The following TMEM25 variants were observed in gnomAD, a reference collection of about 807,000 sequenced individuals.
TMEM25 encodes the protein 0610039J01Rik.
TMEM25 carries 36 observed loss-of-function variants against 37.0 expected under a neutral mutation model. The ratio of observed to expected loss-of-function variants is 0.97; its 90% CI spans 0.75 to 1.28. The LOEUF is 1.28. Among genes scored for constraint, TMEM25 ranks in the 50% most tolerant of loss-of-function variants. TMEM25 has a pLI of 0.00. For missense variants in TMEM25, 444 were observed against 477.9 expected (o/e 0.93, Z 0.66); for synonymous variants, 197 against 203.7 (o/e 0.97, Z 0.28).
chr11:118,545,277 A>T (rs959148914), intron 8 of TMEM25: 5 of 784,924 alleles, frequency 6.4e-6, no homozygotes, highest in Middle Eastern at 4.8e-4. Flanking sequence ...TCTCCTAATT[A>T]TGGGAAAGGG....
intron 3 of TMEM25, 162 bp downstream of exon 3, chr11:118,532,623 C>A (rs533432355): frequency 1.1e-6 from 1 of 886,600 alleles, no homozygotes; most frequent in East Asian, 2.7e-5. Flanking sequence ...TTACTATTGT[C>A]GTCACCATTT....
chr11:118,533,358 C>A, intron 4 of TMEM25, 62 bp from the exon 5 acceptor site: 1 of 1,608,030 alleles, frequency 6.2e-7, no homozygotes. Flanking sequence ...AGAGTAGTAC[C>A]TATGGCATGT....
At chr11:118,543,941 G>A (rs1591353481) in intron 8 of TMEM25, among the ~76,000 whole-genome samples, 1 of 151,934 alleles carries the variant, frequency 6.6e-6, no homozygotes, top group Non-Finnish European at 1.5e-5. Flanking sequence ...TGACTAGCTG[G>A]GACTACAGGC....
Position 118,535,546 on chromosome 11 carries a change from C to G in TMEM25, c.*966C>G. 1 of 1,535,824 alleles carries G rather than the reference C, an allele frequency of 6.5e-7. No individual in the cohort carries two copies. The highest frequency in any genetic ancestry group is 8.7e-7 in the Non-Finnish European group (1 of 1,146,724). On this transcript the variant is annotated 3_prime_UTR_variant, in exon 9 of 9. Coordinates refer to ENST00000313236, the MANE Select transcript of TMEM25 (RefSeq NM_032780.4). Reference sequence around the variant, plus strand: ...CCACGGGACCCCAGCCCTGACCAACCCATGGTTGCCTCATCAGCAGGAAGG... The same window carrying G: ...CCACGGGACCCCAGCCCTGACCAACGCATGGTTGCCTCATCAGCAGGAAGG...
intron 3 of TMEM25, chr11:118,532,706 G>C: frequency 1.3e-6 from 1 of 794,796 alleles, no homozygotes; most frequent in Non-Finnish European, 1.9e-6. Context: ...GTAAGAAGCA[G>C]AGCCAGGATT....
Position 118,535,806 on chromosome 11 carries a change from G to A in TMEM25, c.*1226G>A. The A allele has an allele frequency of 8.0e-7, 1 of 1,248,786 alleles. No homozygotes were observed. Among genetic ancestry groups the A allele is most frequent in the African/African-American group, 1.5e-5 (1 of 64,808 alleles). 77.4% of individuals were successfully genotyped at this position (1,248,786 alleles called of 1,614,324 possible). ...TAGGGCGGTGCTGAGCACACAGCAA[G>A]TTTAATAAACTTGACTGAATTCATT... On this transcript the variant is annotated 3_prime_UTR_variant, in exon 9 of 9. Coordinates refer to ENST00000313236, the MANE Select transcript of TMEM25 (RefSeq NM_032780.4).
chr11:118,546,517 T>C (rs1951690835), downstream of TMEM25: 6 of 195,082 alleles, frequency 3.1e-5, no homozygotes, highest in East Asian at 1.3e-4. Context: ...AGGGAGGGAA[T>C]CAACCATGCC....
At position 118,544,971 on chromosome 11, in the gene TMEM25, G is replaced by A. The variant is rs1484802619; in HGVS notation, c.1028-1148G>A. The A allele has an allele frequency of 1.2e-5, 19 of 1,613,688 alleles. No individual in the cohort carries two copies. The East Asian group carries it at 4.2e-4, about 36-fold the overall frequency. On this transcript the variant is annotated intron_variant, in intron 8 of 8. Transcript: ENST00000354284. ...AGCTTGGGAGGTGGAATTGGATGAAGGAGTGAATGCTTTCTTGCCTTCAGC... is the reference window on the plus strand; with the variant it reads ...AGCTTGGGAGGTGGAATTGGATGAAAGAGTGAATGCTTTCTTGCCTTCAGC...
chr11:118,545,107 T>C, intron 8 of TMEM25: 1 of 941,830 alleles, frequency 1.1e-6, no homozygotes, highest in Admixed American at 2.1e-5. Context: ...CCCCCTTTAT[T>C]TCCTTCCTGC....
intron 8 of TMEM25, among the ~76,000 whole-genome samples, chr11:118,543,348 T>C (rs1204300540): frequency 6.6e-6 from 1 of 152,190 alleles, no homozygotes; most frequent in Non-Finnish European, 1.5e-5. Context: ...GATTTTGTTT[T>C]GTTTTGTTTT....
In TMEM25 at chr11:118,533,452, C is replaced by T; in HGVS notation, c.706C>T (p.Leu236=). The change falls in exon 5 of 9, where the codon CTG becomes TTG. Residue 236 remains leucine (L), a synonymous_variant. Coordinates refer to ENST00000313236, the MANE Select transcript of TMEM25 (RefSeq NM_032780.4). ...LLATRVEVPL[L]GIVVAAGLAL... ...GGCTACCCGGGTGGAAGTGCCACTG[C>T]TGGGCATTGTTGTGGCTGCTGGGCT... is the stretch of plus-strand genomic sequence containing the variant. 1 of 1,614,122 alleles carries T rather than the reference C, an allele frequency of 6.2e-7. No individual in the cohort carries two copies. The highest frequency in any genetic ancestry group is 8.5e-7 in the Non-Finnish European group (1 of 1,180,016).
At chr11:118,537,447 C>T (rs1204309723), downstream of TMEM25, among the ~76,000 whole-genome samples, 2 of 152,166 alleles carry the variant, frequency 1.3e-5, no homozygotes, top group African/African-American at 4.8e-5. Context: ...GTCCATTACC[C>T]AAGTACAATA....
exon 9 of TMEM25, chr11:118,546,252 C>T (rs781964499): frequency 1.0e-5 from 7 of 697,838 alleles, no homozygotes; most frequent in Non-Finnish European, 1.9e-5. Flanking sequence ...AATACCAGCA[C>T]TGTGGGAGGT....
intron 2 of TMEM25, 98 bp from the exon 3 acceptor site, chr11:118,532,052 C>A: frequency 7.1e-7 from 1 of 1,415,564 alleles, no homozygotes; most frequent in Admixed American, 2.6e-5. Context: ...GGTGCCCTTT[C>A]CTTTGGCCTG....
intron 8 of TMEM25, chr11:118,545,785 G>A (rs782338473): frequency 6.2e-7 from 1 of 1,613,770 alleles, no homozygotes. Flanking sequence ...AAGGAAAGAG[G>A]AACTCACCAC....
downstream of TMEM25, among the ~76,000 whole-genome samples, chr11:118,540,198 C>T (rs1272352360): frequency 6.6e-6 from 1 of 151,830 alleles, no homozygotes; most frequent in Non-Finnish European, 1.5e-5. Flanking sequence ...CAAGCTCCGC[C>T]TCCCGGGTTC....
chr11:118,541,983 T>TG (rs1189125809), intron 8 of TMEM25, among the ~76,000 whole-genome samples: 1 of 152,206 alleles, frequency 6.6e-6, no homozygotes, highest in African/African-American at 2.4e-5. Context: ...CTCAAACGTT[T>TG]GGGCTCAAGC....
At chr11:118,541,461 CAAAAAAA>C (rs1216078404) in intron 8 of TMEM25, among the ~76,000 whole-genome samples, 3 of 32,898 alleles carry the variant, frequency 9.1e-5, no homozygotes, top group South Asian at 9.3e-4. Flanking sequence ...GACCCTGTCT[CAAAAAAA>C]AAAAAAAAAA....
intron 8 of TMEM25, among the ~76,000 whole-genome samples, chr11:118,544,029 C>T (rs191508920): frequency 4.5e-4 from 69 of 151,902 alleles, no homozygotes; most frequent in African/African-American, 1.4e-3. Context: ...AGGCTGGTCT[C>T]GAACTCCTGA....
Sources: allele counts gnomAD v4.1 joint callset (sites outside exome capture counted in the v4.1 genomes callset), GRCh38; gene constraint gnomAD v4.1.1; transcripts MANE v1.5; gene names NCBI Gene and HGNC (gene_info 2026-07-23, HGNC 2026-07-21).